CDH23: variants seen among roughly 807,000 people sequenced by gnomAD.
CDH23 encodes cadherin-23.
CDH23 carries 189 observed loss-of-function variants against 317.1 expected under a neutral mutation model. The observed-to-expected ratio is 0.60, with a 90% CI of 0.53 to 0.67. The LOEUF (loss-of-function observed/expected upper bound fraction) is 0.67. Ranked by LOEUF, CDH23 falls within the 30% of genes least tolerant of loss-of-function variation. The pLI is 0.00. For synonymous variants in CDH23, 1,839 were observed against 1,876.8 expected, an observed-to-expected ratio of 0.98 and a Z score of 0.52; for missense variants, 4,401 against 4,592.4, an observed-to-expected ratio of 0.96 and a Z score of 1.20.
intron 35 of CDH23, 85 bp from the exon 36 acceptor site, chr10:71,739,559 A>G (rs1424118890): frequency 1.1e-5 from 16 of 1,517,620 alleles, no homozygotes; most frequent in Non-Finnish European, 1.3e-5. Context: ...ACGTGGGCAG[A>G]GGAGGACCAG....
chr10:71,504,690 G>C (rs989916606), intron 3 of CDH23, among the ~76,000 whole-genome samples: 2 of 152,206 alleles, frequency 1.3e-5, no homozygotes, highest in African/African-American at 4.8e-5. Context: ...ATTGAGCCAG[G>C]AGTCCTAAGA....
At chr10:71,404,528 C>G (rs1848008490) in intron 1 of CDH23, among the ~76,000 whole-genome samples, 1 of 152,258 alleles carries the variant, frequency 6.6e-6, no homozygotes, top group African/African-American at 2.4e-5. Context: ...GCTAGTCTTA[C>G]CATTTTACAA....
At chr10:71,791,377 G>T in intron 47 of CDH23, 42 bp downstream of exon 47, 1 of 1,555,152 alleles carries the variant, frequency 6.4e-7, no homozygotes, top group East Asian at 2.3e-5. Context: ...ACCAGGGGCC[G>T]GTTGGTGGTC....
chr10:71,755,048 CAGCAACTTGCTTTTATAA>C, intron 38 of CDH23: 1 of 527,340 alleles, frequency 1.9e-6, no homozygotes, highest in East Asian at 4.9e-5. Context: ...CTCTGAGTGG[CAGCAACTTGCTTTTATAA>C]AGCAACTTGA....
chr10:71,775,144 C>T (rs1314753895), intron 38 of CDH23, among the ~76,000 whole-genome samples: 1 of 152,168 alleles, frequency 6.6e-6, no homozygotes, highest in African/African-American at 2.4e-5. Context: ...GCTGGCATAG[C>T]ATGAGCTCCC....
chr10:71,513,568 C>T (rs898329013), intron 6 of CDH23, among the ~76,000 whole-genome samples: 7 of 152,148 alleles, frequency 4.6e-5, no homozygotes, highest in African/African-American at 1.7e-4. Context: ...GGTGTGAATG[C>T]CAGGGTCTGC....
chr10:71,636,862 G>A (rs1589283887), intron 11 of CDH23, among the ~76,000 whole-genome samples: 1 of 152,350 alleles, frequency 6.6e-6, no homozygotes, highest in South Asian at 2.1e-4. Flanking sequence ...AGAGGAAAAA[G>A]AGGCAGCAGG....
chr10:71,397,653 G>A lies in CDH23; in HGVS notation c.-6+335G>A, dbSNP rs1360485089. Among the ~76,000 whole-genome samples, 1 of 152,104 alleles carries A rather than the reference G, an allele frequency of 6.6e-6. No homozygotes were observed. Among genetic ancestry groups the A allele is most frequent in the African/African-American group, 2.4e-5 (1 of 41,450 alleles). ...TTGGGGGCTTTGCTCTCGGCGCTAC[G>A]GAGAGGGTCCAGGTCTGGGGTGGAG... is the stretch of plus-strand genomic sequence containing the variant. On this transcript the variant is annotated intron_variant, in intron 1 of 69. Transcript: ENST00000224721. The surrounding 1 kb of genome is among the most constrained non-coding windows in gnomAD (Gnocchi z 4.8).
intron 38 of CDH23, among the ~76,000 whole-genome samples, chr10:71,776,932 G>C (rs1311963045): frequency 6.6e-6 from 1 of 152,272 alleles, no homozygotes; most frequent in African/African-American, 2.4e-5. Flanking sequence ...AAGGCAGGAA[G>C]CAGGAGCAAG....
At position 71,725,392 on chromosome 10, in the gene CDH23, C is replaced by A. The variant is rs757628798; in HGVS notation, c.3451C>A (p.Arg1151=). ...ILHGNHGNNF[R]IHVSNGLLMR... Reference sequence around the variant, plus strand: ...CACAGGTAACCATGGCAACAACTTCCGGATCCATGTCAGCAATGGGCTCCT... The same window carrying A: ...CACAGGTAACCATGGCAACAACTTCAGGATCCATGTCAGCAATGGGCTCCT... The change falls in exon 30 of 70, where the codon CGG becomes AGG. Residue 1151 remains arginine (R), a synonymous_variant. Coordinates refer to ENST00000224721, the MANE Select transcript of CDH23 (RefSeq NM_022124.6). 6.2e-7 allele frequency: 1 copy of A among 1,614,004 alleles called. No homozygotes were observed. Among genetic ancestry groups the A allele is most frequent in the South Asian group, 1.1e-5 (1 of 91,080 alleles).
At chr10:71,619,709 AG>A (rs1408055855) in intron 11 of CDH23, among the ~76,000 whole-genome samples, 3 of 152,334 alleles carry the variant, frequency 2.0e-5, no homozygotes, top group African/African-American at 7.2e-5. Flanking sequence ...GCCATAATCC[AG>A]GCAAGCAAGG....
chr10:71,732,009 C>T lies in CDH23; in HGVS notation c.3738C>T (p.Tyr1246=), dbSNP rs2132824453. 1 of 1,613,884 alleles carries T rather than the reference C, an allele frequency of 6.2e-7. No individual in the cohort carries two copies. The stretch of plus-strand genomic sequence containing the variant: ...CAGGGGATGGTGGCCTGGTGAACTA[C>T]CGCATCCTGTCGGGCGCAGAGGGGA... The part of the protein sequence containing the change: ...RDSGDGGLVN[Y]RILSGAEGKF... Residue 1246 remains tyrosine, a synonymous_variant, in exon 32 of 70, where the codon TAC becomes TAT. Transcript: ENST00000224721.
chr10:71,471,749 C>T (rs1257870514), intron 3 of CDH23, among the ~76,000 whole-genome samples: 3 of 152,152 alleles, frequency 2.0e-5, no homozygotes, highest in Non-Finnish European at 4.4e-5. Context: ...GCCTGGTACA[C>T]CTGCCCTAGG....
At chr10:71,672,282 G>A (rs184163791) in intron 14 of CDH23, among the ~76,000 whole-genome samples, 452 of 152,162 alleles carry the variant, frequency 3.0e-3, no homozygotes, top group Non-Finnish European at 4.6e-3. Context: ...ATTCAGGGCC[G>A]ACAATGTGTG....
chr10:71,756,301 C>T (rs921616926), intron 38 of CDH23, among the ~76,000 whole-genome samples: 2 of 152,210 alleles, frequency 1.3e-5, no homozygotes, highest in Non-Finnish European at 2.9e-5. Flanking sequence ...CATCATATGA[C>T]AATGCTTTTC....
intron 9 of CDH23, among the ~76,000 whole-genome samples, chr10:71,591,933 G>A (rs542474868): frequency 3.6e-4 from 55 of 152,182 alleles, no homozygotes; most frequent in African/African-American, 1.3e-3. Context: ...TGGTTAGGTG[G>A]CAAGGAAAGC....
At chr10:71,432,144 G>T (rs530985298) in intron 1 of CDH23, among the ~76,000 whole-genome samples, 2 of 152,290 alleles carry the variant, frequency 1.3e-5, no homozygotes. Context: ...TGTGCAGTGG[G>T]GTGGGGGCAT....
In CDH23 at chr10:71,791,190, C is replaced by T. The variant is rs749235545; in HGVS notation, c.6108C>T (p.Ile2036=). The part of the protein sequence containing the change: ...IIDREAFSPP[I]LELLLLAEDI... Reference sequence around the variant, plus strand: ...ACCGGGAGGCATTCTCGCCACCCATCCTGGAGCTGCTGCTGCTGGCTGAGG... The same window carrying T: ...ACCGGGAGGCATTCTCGCCACCCATTCTGGAGCTGCTGCTGCTGGCTGAGG... The change falls in exon 47 of 70, where the codon ATC becomes ATT. Residue 2036 remains isoleucine, a synonymous_variant. Coordinates refer to ENST00000224721, the MANE Select transcript of CDH23 (RefSeq NM_022124.6). 3 of 1,613,366 alleles carry T rather than the reference C, an allele frequency of 1.9e-6. No individual in the cohort carries two copies. Among genetic ancestry groups the T allele is most frequent in the Non-Finnish European group, 2.5e-6 (3 of 1,179,660 alleles).
At chr10:71,587,154 G>A (rs1230833577) in intron 9 of CDH23, among the ~76,000 whole-genome samples, 1 of 152,236 alleles carries the variant, frequency 6.6e-6, no homozygotes, top group Non-Finnish European at 1.5e-5. Context: ...CATGCTTAGG[G>A]CCGCATGGCA....
Sources: allele counts gnomAD v4.1 joint callset (sites outside exome capture counted in the v4.1 genomes callset), GRCh38; gene constraint gnomAD v4.1.1; non-coding constraint Gnocchi (gnomAD v3.1); transcripts MANE v1.5; gene names NCBI Gene and HGNC (gene_info 2026-07-23, HGNC 2026-07-21).